NPFFR1: variants seen among roughly 807,000 people sequenced by gnomAD.
NPFFR1 encodes the protein neuropeptide FF receptor 1.
NPFFR1 carries 17 observed loss-of-function variants against 12.7 expected under a neutral mutation model. The ratio of observed to expected loss-of-function variants is 1.34; its 90% CI spans 0.92 to 2.01. The LOEUF is 2.01. NPFFR1 is among the 30% of genes most tolerant of loss of function. NPFFR1 has a pLI of 0.00. For missense variants in NPFFR1, 604 were observed against 606.5 expected, an observed-to-expected ratio of 1.00 and a Z score of 0.04; for synonymous variants, 296 against 264.5, an observed-to-expected ratio of 1.12 and a Z score of -1.16.
intron 1 of NPFFR1, among the ~76,000 whole-genome samples, chr10:70,277,569 G>A (rs1204657935): frequency 6.6e-6 from 1 of 152,164 alleles, no homozygotes; most frequent in Non-Finnish European, 1.5e-5. Flanking sequence ...GCATGCTCCT[G>A]TCCCCTCTTC....
rs972862946 is a variant in NPFFR1, at chr10:70,253,843, G to A, written c.*1114C>T. On this transcript the variant is annotated 3_prime_UTR_variant, in exon 4 of 4. Coordinates refer to ENST00000277942, the MANE Select transcript of NPFFR1 (RefSeq NM_022146.5). ...GAAAGAAGCCACATTTCTTCAAGTT[G>A]ATGCAGGGGTGTTGGGGGAAAGCCA... The A allele has an allele frequency of 6.6e-6, 1 of 152,400 alleles. No homozygotes were observed. The highest frequency in any genetic ancestry group is 1.5e-5 in the Non-Finnish European group (1 of 68,212). 9.4% of individuals were successfully genotyped at this position (152,400 alleles called of 1,614,324 possible). A position where few individuals can be genotyped will look rare whatever the true frequency, so the allele number is the denominator to read the frequency against.
At chr10:70,266,037 G>T (rs895006784) in intron 2 of NPFFR1, 40 bp downstream of exon 2, 1 of 1,557,548 alleles carries the variant, frequency 6.4e-7, no homozygotes, top group African/African-American at 1.4e-5. Flanking sequence ...GTTGAAGTGG[G>T]GGGTAGGGGA....
chr10:70,256,521 G>T (rs1376373197), intron 3 of NPFFR1, among the ~76,000 whole-genome samples: 3 of 152,226 alleles, frequency 2.0e-5, no homozygotes, highest in Non-Finnish European at 4.4e-5. Flanking sequence ...AACCTCAGGA[G>T]GTCAGATGTA....
In NPFFR1 at chr10:70,248,217, C is replaced by T. The variant is rs553931561; in HGVS notation, c.*6740G>A. Reference sequence around the variant, plus strand: ...TCAGGACCTCCTGGTTATATAACCTCCAGTAAGTTACTTTACTTCTCTGAG... The same window carrying T: ...TCAGGACCTCCTGGTTATATAACCTTCAGTAAGTTACTTTACTTCTCTGAG... On this transcript the variant is annotated 3_prime_UTR_variant, in exon 4 of 4. Coordinates refer to ENST00000277942, the MANE Select transcript of NPFFR1 (RefSeq NM_022146.5). The T allele has an allele frequency of 6.6e-6, 1 of 152,270 alleles. No homozygotes were observed. Among genetic ancestry groups the T allele is most frequent in the South Asian group, 2.1e-4 (1 of 4,822 alleles). 9.4% of individuals were successfully genotyped at this position (152,270 alleles called of 1,614,324 possible).
chr10:70,254,898 G>C lies in NPFFR1; in HGVS notation c.*59C>G. On this transcript the variant is annotated 3_prime_UTR_variant, in exon 4 of 4. Coordinates refer to ENST00000277942, the MANE Select transcript of NPFFR1 (RefSeq NM_022146.5). ...TAACCACACCAGGCCGCTATCGCCT[G>C]CATGTATCTCGTGTCCAATCGGGGC... 1 of 1,375,882 alleles carries C rather than the reference G, an allele frequency of 7.3e-7. No individual in the cohort carries two copies. The highest frequency in any genetic ancestry group is 9.3e-7 in the Non-Finnish European group (1 of 1,070,202). 85.2% of individuals were successfully genotyped at this position (1,375,882 alleles called of 1,614,324 possible). A position where few individuals can be genotyped will look rare whatever the true frequency, so the allele number is the denominator to read the frequency against.
At chr10:70,277,219 G>A (rs947533902) in intron 1 of NPFFR1, among the ~76,000 whole-genome samples, 5 of 152,196 alleles carry the variant, frequency 3.3e-5, no homozygotes, top group African/African-American at 4.8e-5. Context: ...ACAGGAAGGC[G>A]TGGAAGGTCT....
Position 70,263,383 on chromosome 10 carries a change from C to T in NPFFR1, c.323-2644G>A, listed in dbSNP as rs559323396. ...TGCCTCCTGGGTTCACGCCATTCTC[C>T]TGCCTCACCCTCCCGAGTAGCTGGG... On this transcript the variant is annotated intron_variant, in intron 2 of 3. Transcript: ENST00000277942. 2.0e-5 allele frequency among the ~76,000 whole-genome samples: 3 copies of T among 152,322 alleles called. No individual in the cohort carries two copies. The East Asian group carries it at 5.8e-4, about 29-fold the overall frequency.
At chr10:70,256,178 A>G (rs1008027575) in intron 3 of NPFFR1, among the ~76,000 whole-genome samples, 1 of 149,232 alleles carries the variant, frequency 6.7e-6, no homozygotes, top group Non-Finnish European at 1.5e-5. Flanking sequence ...GGCTCAAGTG[A>G]TCCTCTCCTC....
At chr10:70,269,332 T>C (rs2136803291) in intron 1 of NPFFR1, among the ~76,000 whole-genome samples, 1 of 152,050 alleles carries the variant, frequency 6.6e-6, no homozygotes, top group East Asian at 1.9e-4. Context: ...AATTTAAGGT[T>C]ATTTTGTAGA....
intron 1 of NPFFR1, among the ~76,000 whole-genome samples, chr10:70,273,852 G>T (rs1023183128): frequency 6.6e-6 from 1 of 152,144 alleles, no homozygotes; most frequent in Admixed American, 6.6e-5. Flanking sequence ...GTGAATACAA[G>T]GGGATTCAAG....
chr10:70,248,489 T>TTTTTTTTTTTTTTTTTTTTTTTTTTTTTG lies in NPFFR1; in HGVS notation c.*6467_*6468insCAAAAAAAAAAAAAAAAAAAAAAAAAAAA, dbSNP rs1840477391. The TTTTTTTTTTTTTTTTTTTTTTTTTTTTTG allele has an allele frequency of 2.6e-5, 3 of 113,852 alleles. No individual in the cohort carries two copies. Among genetic ancestry groups the TTTTTTTTTTTTTTTTTTTTTTTTTTTTTG allele is most frequent in the African/African-American group, 3.2e-5 (1 of 31,050 alleles). 7.1% of individuals were successfully genotyped at this position (113,852 alleles called of 1,614,324 possible). On this transcript the variant is annotated 3_prime_UTR_variant, in exon 4 of 4. Transcript: ENST00000277942. ...GGCGTTTTTTTTTTGTTTTTTGTTT[T>TTTTTTTTTTTTTTTTTTTTTTTTTTTTTG]TTTTTTTTTTTTTTGAGATGGAGTC...
At position 70,255,699 on chromosome 10, in the gene NPFFR1, C is replaced by T; in HGVS notation, c.551G>A (p.Arg184His). Residue 184 changes from arginine to histidine, a missense_variant, in exon 4 of 4, where the codon CGT becomes CAT. Arg to His is a conservative substitution (Grantham distance 29). Transcript: ENST00000277942. This position sits in a 1 kb window ranked among gnomAD's most constrained non-coding sequence, Gnocchi z 4.2. ...CPSAVTLTVT[R>H]EEHHFMVDAR... ...GTCCACCATGAAGTGGTGCTCCTCACGGGTGACGGTCAGCGTGACGGCCGA... is the reference window on the plus strand; with the variant it reads ...GTCCACCATGAAGTGGTGCTCCTCATGGGTGACGGTCAGCGTGACGGCCGA... The T allele has an allele frequency of 3.7e-6, 6 of 1,606,502 alleles. No individual in the cohort carries two copies. Among genetic ancestry groups the T allele is most frequent in the Middle Eastern group, 1.7e-4 (1 of 6,056 alleles).
intron 1 of NPFFR1, among the ~76,000 whole-genome samples, chr10:70,270,455 A>C (rs919495396): frequency 2.6e-5 from 4 of 152,204 alleles, no homozygotes; most frequent in African/African-American, 9.6e-5. Context: ...AAACTGCCAG[A>C]ACCTTTCAGG....
In NPFFR1 at chr10:70,250,546, G is replaced by C. The variant is rs1289237381; in HGVS notation, c.*4411C>G. 6.6e-6 allele frequency: 1 copy of C among 152,200 alleles called. No individual in the cohort carries two copies. The highest frequency in any genetic ancestry group is 1.9e-4 in the East Asian group (1 of 5,202). 9.4% of individuals were successfully genotyped at this position (152,200 alleles called of 1,614,324 possible). On this transcript the variant is annotated 3_prime_UTR_variant, in exon 4 of 4. Coordinates refer to ENST00000277942, the MANE Select transcript of NPFFR1 (RefSeq NM_022146.5). ...AAACAAAATGTGATCTATTCATACAGTGGAATAGTACTCAGCAATCAAAAG... is the reference window on the plus strand; with the variant it reads ...AAACAAAATGTGATCTATTCATACACTGGAATAGTACTCAGCAATCAAAAG...
Position 70,271,917 on chromosome 10 carries a change from G to C in NPFFR1, c.8-5526C>G, listed in dbSNP as rs560448411. 2.6e-4 allele frequency among the ~76,000 whole-genome samples: 39 copies of C among 152,052 alleles called. No homozygotes were observed. The South Asian group carries it at 6.2e-3, about 24-fold the overall frequency. ...AGATCACCTGAGGTCAGGAGTTCAA[G>C]ACCAGCCTGATCAACATGATGAAAC... is the stretch of plus-strand genomic sequence containing the variant. On this transcript the variant is annotated intron_variant, in intron 1 of 3. Coordinates refer to ENST00000277942, the MANE Select transcript of NPFFR1 (RefSeq NM_022146.5).
In NPFFR1 at chr10:70,283,791, C is replaced by G. The variant is rs924428596; in HGVS notation, c.-115G>C. ...ACTTGGTTGCGGGCTGCGCCCCTGC[C>G]TCCGCGCTCCGCAGGTCCGGTCGGT... On this transcript the variant is annotated 5_prime_UTR_variant, in exon 1 of 4. Coordinates refer to ENST00000277942, the MANE Select transcript of NPFFR1 (RefSeq NM_022146.5). The G allele has an allele frequency of 1.2e-5, 14 of 1,176,520 alleles. No individual in the cohort carries two copies. The highest frequency in any genetic ancestry group is 1.4e-5 in the Non-Finnish European group (12 of 828,914). The allele number at this position is 1,176,520 out of a possible 1,614,324, so 72.9% of individuals were successfully genotyped here.
At position 70,283,769 on chromosome 10, in the gene NPFFR1, T is replaced by C; in HGVS notation, c.-93A>G. ...GGCAGAGGGACGGTCTCCGGGCACT[T>C]GGTTGCGGGCTGCGCCCCTGCCTCC... On this transcript the variant is annotated 5_prime_UTR_variant, in exon 1 of 4. Coordinates refer to ENST00000277942, the MANE Select transcript of NPFFR1 (RefSeq NM_022146.5). 2 of 1,425,242 alleles carry C rather than the reference T, an allele frequency of 1.4e-6. No individual in the cohort carries two copies. The highest frequency in any genetic ancestry group is 9.5e-7 in the Non-Finnish European group (1 of 1,049,182). 88.3% of individuals were successfully genotyped at this position (1,425,242 alleles called of 1,614,324 possible). A position where few individuals can be genotyped will look rare whatever the true frequency, so the allele number is the denominator to read the frequency against.
intron 1 of NPFFR1, among the ~76,000 whole-genome samples, chr10:70,267,820 C>T (rs370440161): frequency 1.3e-4 from 20 of 152,210 alleles, no homozygotes; most frequent in Admixed American, 3.3e-4. Flanking sequence ...GCAGGGCCAG[C>T]GAGCTGGCAT....
chr10:70,269,227 C>T (rs561405714), intron 1 of NPFFR1, among the ~76,000 whole-genome samples: 1 of 152,258 alleles, frequency 6.6e-6, no homozygotes, highest in Admixed American at 6.5e-5. Flanking sequence ...TCAGGGGGCT[C>T]AGGTGATGTA....
Sources: gnomAD v4.1 joint callset for allele counts (sites outside exome capture counted in the v4.1 genomes callset) on GRCh38, gnomAD v4.1.1 for gene constraint, Gnocchi (gnomAD v3.1) non-coding constraint, MANE v1.5 for transcripts, NCBI Gene and HGNC (gene_info 2026-07-23, HGNC 2026-07-21) for gene names.